Variants in KNL1 observed in about 807,000 individuals in gnomAD.
The protein encoded by KNL1 is outer kinetochore KNL1 complex subunit KNL1.
A neutral mutation model predicts 201.3 loss-of-function variants in KNL1; 66 were observed. The observed-to-expected ratio is 0.33, with a 90% CI of 0.27 to 0.40. KNL1 has a LOEUF of 0.40. KNL1 is among the 10% of genes least tolerant of loss of function. KNL1 has a pLI of 1.00. For missense variants in KNL1, 2,815 were observed against 2,690.5 expected (o/e 1.05, Z -1.02); for synonymous variants, 895 against 899.2 (o/e 1.00, Z 0.08).
At chr15:40,615,448 T>C (rs1440873302) in intron 8 of KNL1, 70 bp downstream of exon 8, 2 of 433,978 alleles carry the variant, frequency 4.6e-6, no homozygotes, top group Non-Finnish European at 8.2e-6. Context: ...ATCACTATTA[T>C]GTACAAGAAA....
rs1595955568 is a variant in KNL1, at chr15:40,663,346, C to A, written c.*1158C>A. On this transcript the variant is annotated 3_prime_UTR_variant, in exon 26 of 26. Coordinates refer to ENST00000399668, the MANE Select transcript of KNL1 (RefSeq NM_144508.5). Reference sequence around the variant, plus strand: ...TGCTGGGATTACAGGTGTGAGCCACCACACCCAGCAATGTTTTCTTAATAA... The same window carrying A: ...TGCTGGGATTACAGGTGTGAGCCACAACACCCAGCAATGTTTTCTTAATAA... 1 of 176,586 alleles carries A rather than the reference C, an allele frequency of 5.7e-6. No individual in the cohort carries two copies. The highest frequency in any genetic ancestry group is 1.2e-5 in the Non-Finnish European group (1 of 82,002). The allele number at this position is 176,586 out of a possible 1,614,324, so 10.9% of individuals were successfully genotyped here.
chr15:40,637,172 TTTC>T (rs1893079934), intron 13 of KNL1, among the ~76,000 whole-genome samples: 2 of 125,780 alleles, frequency 1.6e-5, no homozygotes, highest in South Asian at 2.3e-4. Flanking sequence ...TTCTTTTTTC[TTTC>T]TTTTTTTTTT....
chr15:40,612,602 C>T (rs1363903537), intron 7 of KNL1, among the ~76,000 whole-genome samples: 1 of 151,896 alleles, frequency 6.6e-6, no homozygotes, highest in East Asian at 2.0e-4. Context: ...CTGCAACCTC[C>T]GCCTCCTGGG....
At chr15:40,603,593 C>T (rs1891879527) in intron 2 of KNL1, among the ~76,000 whole-genome samples, 1 of 152,170 alleles carries the variant, frequency 6.6e-6, no homozygotes, top group Admixed American at 6.5e-5. Flanking sequence ...ACCCCCGCCC[C>T]CCCATCTCTA....
intron 21 of KNL1, among the ~76,000 whole-genome samples, chr15:40,652,699 G>C (rs1036046815): frequency 2.4e-4 from 35 of 144,328 alleles, no homozygotes; most frequent in Admixed American, 1.1e-3. Flanking sequence ...GGAGGTGGAG[G>C]TTGCAGTGAG....
rs770235032 is a variant in KNL1, at chr15:40,623,498, T to G, written c.3234T>G (p.Phe1078Leu). ...TAAAAAATGACAAGACCATTGTATTTTCAGAGAATCATAAAAATGATATGG... is the reference window on the plus strand; with the variant it reads ...TAAAAAATGACAAGACCATTGTATTGTCAGAGAATCATAAAAATGATATGG... ...LKLKNDKTIV[F>L]SENHKNDMDI... The change falls in exon 10 of 26, where the codon TTT becomes TTG. Residue 1078 changes from phenylalanine to leucine, a missense_variant. Coordinates refer to ENST00000399668, the MANE Select transcript of KNL1 (RefSeq NM_144508.5). The G allele has an allele frequency of 6.2e-7, 1 of 1,612,836 alleles. No homozygotes were observed. Among genetic ancestry groups the G allele is most frequent in the Admixed American group, 1.7e-5 (1 of 59,740 alleles).
chr15:40,622,293 G>C lies in KNL1; in HGVS notation c.2029G>C (p.Gly677Arg). 6.2e-7 allele frequency: 1 copy of C among 1,613,776 alleles called. No individual in the cohort carries two copies. Among genetic ancestry groups the C allele is most frequent in the Non-Finnish European group, 8.5e-7 (1 of 1,179,750 alleles). The change falls in exon 10 of 26, where the codon GGA (glycine) becomes CGA (arginine). Residue 677 changes from glycine to arginine, a missense_variant. Transcript: ENST00000399668. ...ATSHNIVYCG[G>R]VLDKQITNRN... is the part of the protein sequence containing the mutation. ...AAGCCATAATATAGTCTACTGTGGTGGAGTTCTTGATAAACAAATAACTAA... is the reference window on the plus strand; with the variant it reads ...AAGCCATAATATAGTCTACTGTGGTCGAGTTCTTGATAAACAAATAACTAA...
chr15:40,650,244 GT>G, intron 17 of KNL1, 56 bp from the exon 18 acceptor site: 1 of 1,061,804 alleles, frequency 9.4e-7, no homozygotes, highest in Non-Finnish European at 1.4e-6. Flanking sequence ...TCCTTACTTT[GT>G]TTTCTTTTTT....
chr15:40,645,727 C>A lies in KNL1; in HGVS notation c.5961C>A (p.His1987Gln). ...CFTKMTKVFT[H>Q]QGKVALYGKL... is the part of the protein sequence containing the mutation. ...CCAAGATGACTAAAGTCTTCACTCA[C>A]CAAGGAAAAGTGGCTCTGTATGGCA... is the stretch of plus-strand genomic sequence containing the variant. The change falls in exon 16 of 26, where the codon CAC (histidine) becomes CAA (glutamine). Residue 1987 changes from histidine to glutamine, a missense_variant. Around this residue, in one of 3 missense-constraint regions of KNL1, gnomAD observed 17 missense variants for 36.2 expected, o/e 0.47. Coordinates refer to ENST00000399668, the MANE Select transcript of KNL1 (RefSeq NM_144508.5). 1 of 1,610,996 alleles carries A rather than the reference C, an allele frequency of 6.2e-7. No homozygotes were observed. Among genetic ancestry groups the A allele is most frequent in the Non-Finnish European group, 8.5e-7 (1 of 1,179,028 alleles).
intron 16 of KNL1, 43 bp from the exon 17 acceptor site, chr15:40,646,944 C>G: frequency 8.5e-6 from 6 of 709,434 alleles, no homozygotes; most frequent in East Asian, 3.3e-5. Context: ...ATAATATTTT[C>G]TTTAGAGGTT....
intron 13 of KNL1, among the ~76,000 whole-genome samples, chr15:40,637,162 T>G (rs548474088): frequency 6.9e-6 from 1 of 144,332 alleles, no homozygotes; most frequent in South Asian, 2.2e-4. Flanking sequence ...ATCTCTCTTT[T>G]TCTTTTTTCT....
At chr15:40,596,062 G>T (rs1239896389) in intron 1 of KNL1, among the ~76,000 whole-genome samples, 1 of 152,078 alleles carries the variant, frequency 6.6e-6, no homozygotes, top group Non-Finnish European at 1.5e-5. Context: ...GGCTAATTGG[G>T]CTCAGTCGCT....
Position 40,624,586 on chromosome 15 carries a change from C to T in KNL1, c.4322C>T (p.Pro1441Leu), listed in dbSNP as rs1488661345. ...TATGTTGATGACATTTATGTTATTC[C>T]TCAGCCTCATTTCTCAACCGACCAA... ...KVYVDDIYVI[P>L]QPHFSTDQPP... The change falls in exon 10 of 26, where the codon CCT (proline) becomes CTT (leucine). Residue 1441 changes from proline (P) to leucine (L), a missense_variant. Around this residue, in one of 3 missense-constraint regions of KNL1, gnomAD observed 2,464 missense variants for 2,291.7 expected, o/e 1.08. Coordinates refer to ENST00000399668, the MANE Select transcript of KNL1 (RefSeq NM_144508.5). 3.7e-6 allele frequency: 6 copies of T among 1,613,694 alleles called. No homozygotes were observed. In the African/African-American group the frequency reaches 8.0e-5, roughly 22 times the overall value.
intron 3 of KNL1, 148 bp downstream of exon 3, chr15:40,605,297 A>T (rs1290880536): frequency 1.2e-5 from 7 of 560,824 alleles, no homozygotes; most frequent in Non-Finnish European, 2.3e-5. Context: ...TAACGTGGTT[A>T]TACAATTCTG....
At position 40,621,538 on chromosome 15, in the gene KNL1, G is replaced by T. The variant is rs771100665; in HGVS notation, c.1274G>T (p.Cys425Phe). 1.2e-6 allele frequency: 2 copies of T among 1,611,980 alleles called. No homozygotes were observed. Among genetic ancestry groups the T allele is most frequent in the African/African-American group, 2.7e-5 (2 of 74,870 alleles). ...TATTCTAATCCATCTATTCAAGGTT[G>T]TAAGACTGTTTTCTATTCTAGTTGT... is the stretch of plus-strand genomic sequence containing the variant. Reference protein sequence around the residue: ...SIYSNPSIQGCKTVFYSSCND... With the variant: ...SIYSNPSIQGFKTVFYSSCND... The change falls in exon 10 of 26, where the codon TGT becomes TTT. Residue 425 changes from cysteine to phenylalanine, a missense_variant. Around this residue, in one of 3 missense-constraint regions of KNL1, gnomAD observed 2,464 missense variants for 2,291.7 expected, o/e 1.08. Coordinates refer to ENST00000399668, the MANE Select transcript of KNL1 (RefSeq NM_144508.5).
Position 40,624,982 on chromosome 15 carries a change from C to T in KNL1, c.4718C>T (p.Ala1573Val), listed in dbSNP as rs1258180497. ...NLNGKTGEFL[A>V]FQTVHLPPLP... ...AATGGAAAAACTGGAGAGTTTTTAG[C>T]CTTTCAAACTGTTCATCTACCACCC... The change falls in exon 10 of 26, where the codon GCC becomes GTC. Residue 1573 changes from alanine (A) to valine (V), a missense_variant. By Grantham distance (64) the Ala-to-Val change is moderately conservative. This residue lies in a region of KNL1 where 2,464 missense variants were observed against 2,291.7 expected (regional missense o/e 1.08). Coordinates refer to ENST00000399668, the MANE Select transcript of KNL1 (RefSeq NM_144508.5). 2 of 1,613,776 alleles carry T rather than the reference C, an allele frequency of 1.2e-6. No homozygotes were observed. The highest frequency in any genetic ancestry group is 1.7e-6 in the Non-Finnish European group (2 of 1,179,946).
rs1192809952 is a variant in KNL1, at chr15:40,654,976, T to C, written c.6483T>C (p.Asp2161=). 1 of 1,611,080 alleles carries C rather than the reference T, an allele frequency of 6.2e-7. No homozygotes were observed. Among genetic ancestry groups the C allele is most frequent in the East Asian group, 2.2e-5 (1 of 44,844 alleles). Reference sequence around the variant, plus strand: ...ATGTCAATTTTCAATCTCTGTTAGATGGTAAGTAGAAAACATTTAAGCCTC... The same window carrying C: ...ATGTCAATTTTCAATCTCTGTTAGACGGTAAGTAGAAAACATTTAAGCCTC... ...IVDVNFQSLL[D]EDQAPPSSLL... The change falls in exon 22 of 26, where the codon GAT becomes GAC. Residue 2161 remains aspartate (D), a splice_region_variant and synonymous_variant. Transcript: ENST00000399668.
At chr15:40,636,662 C>T (rs1045404451) in intron 13 of KNL1, among the ~76,000 whole-genome samples, 1 of 151,990 alleles carries the variant, frequency 6.6e-6, no homozygotes, top group Non-Finnish European at 1.5e-5. Context: ...AACCCCCCCT[C>T]TACCAAAAAA....
intron 13 of KNL1, among the ~76,000 whole-genome samples, chr15:40,633,644 G>C (rs371573398): frequency 6.0e-4 from 92 of 152,106 alleles, no homozygotes; most frequent in African/African-American, 2.1e-3. Context: ...GTGCTCAAGG[G>C]ATTCTCTTGC....
Sources: allele counts gnomAD v4.1 joint callset (sites outside exome capture counted in the v4.1 genomes callset), GRCh38; gene constraint gnomAD v4.1.1; regional missense constraint gnomAD v4.1.1; transcripts MANE v1.5; gene names NCBI Gene and HGNC (gene_info 2026-07-23, HGNC 2026-07-21).